The following STXBP5L variants were observed in gnomAD, a reference collection of about 807,000 sequenced individuals.
STXBP5L encodes the protein syntaxin-binding protein 5-like.
In STXBP5L, 65 loss-of-function variants were observed where a neutral mutation model predicts 144.5. The ratio of observed to expected loss-of-function variants is 0.45; its 90% CI spans 0.37 to 0.55. The LOEUF is 0.55. Among genes scored for constraint, STXBP5L ranks in the 20% least tolerant of loss-of-function variants. STXBP5L has a pLI of 0.00. For missense variants in STXBP5L, 1,298 were observed against 1,405.5 expected, an observed-to-expected ratio of 0.92 and a Z score of 1.22; for synonymous variants, 505 against 469.6, an observed-to-expected ratio of 1.08 and a Z score of -0.97.
chr3:121,245,506 A>G (rs1406394537), intron 14 of STXBP5L, among the ~76,000 whole-genome samples: 1 of 152,142 alleles, frequency 6.6e-6, no homozygotes, highest in Non-Finnish European at 1.5e-5. Flanking sequence ...ATCAAAAGAC[A>G]TAGAATGGCT....
At chr3:120,946,146 G>T (rs569618687) in intron 2 of STXBP5L, among the ~76,000 whole-genome samples, 1 of 151,880 alleles carries the variant, frequency 6.6e-6, no homozygotes, top group South Asian at 2.1e-4. Context: ...AATGGTTGGG[G>T]TATGTATTAG....
intron 3 of STXBP5L, among the ~76,000 whole-genome samples, chr3:120,958,469 A>G (rs1287651032): frequency 6.6e-6 from 1 of 152,068 alleles, no homozygotes; most frequent in Non-Finnish European, 1.5e-5. Context: ...ATAGAATTTT[A>G]GACCAGTATC....
intron 5 of STXBP5L, among the ~76,000 whole-genome samples, chr3:121,102,780 G>A (rs2043497093): frequency 6.6e-6 from 1 of 152,086 alleles, no homozygotes; most frequent in South Asian, 2.1e-4. Context: ...CAGAATGGTA[G>A]AACATGTTTA....
At chr3:121,365,979 C>T (rs1421202030) in intron 20 of STXBP5L, among the ~76,000 whole-genome samples, 1 of 151,734 alleles carries the variant, frequency 6.6e-6, no homozygotes, top group Admixed American at 6.6e-5. Flanking sequence ...TTTCATTTAT[C>T]TCTAATTATT....
At chr3:121,043,282 T>A (rs1048781868) in intron 4 of STXBP5L, among the ~76,000 whole-genome samples, 1 of 152,180 alleles carries the variant, frequency 6.6e-6, no homozygotes, top group Non-Finnish European at 1.5e-5. Context: ...GTAGGTTCAC[T>A]TTGTTTTTAT....
At chr3:121,326,125 G>T (rs2044137978) in intron 20 of STXBP5L, among the ~76,000 whole-genome samples, 2 of 151,896 alleles carry the variant, frequency 1.3e-5, no homozygotes, top group Admixed American at 1.3e-4. Flanking sequence ...TAATAGTCAT[G>T]GACTCATTAA....
At chr3:121,314,602 AGAGGG>A (rs1222849688) in intron 19 of STXBP5L, among the ~76,000 whole-genome samples, 3 of 140,208 alleles carry the variant, frequency 2.1e-5, no homozygotes, top group African/African-American at 8.1e-5. Flanking sequence ...AGGGAGAGGG[AGAGGG>A]AGAGGGAGAG....
chr3:120,953,951 G>A (rs589487), intron 2 of STXBP5L, among the ~76,000 whole-genome samples: 1 of 152,054 alleles, frequency 6.6e-6, no homozygotes, highest in Non-Finnish European at 1.5e-5. Flanking sequence ...TTTTATACAT[G>A]CCATTTATTA....
intron 20 of STXBP5L, among the ~76,000 whole-genome samples, chr3:121,364,523 C>G (rs2108645820): frequency 6.6e-6 from 1 of 150,558 alleles, no homozygotes; most frequent in East Asian, 1.9e-4. Context: ...TGCATTGAAT[C>G]CATAGATCAC....
intron 3 of STXBP5L, among the ~76,000 whole-genome samples, chr3:120,979,758 T>A (rs1941549828): frequency 6.6e-6 from 1 of 152,196 alleles, no homozygotes; most frequent in African/African-American, 2.4e-5. Flanking sequence ...TGATCTTTGT[T>A]GTTTCTTTTG....
At chr3:121,173,940 AC>A (rs1419430291) in intron 9 of STXBP5L, among the ~76,000 whole-genome samples, 1 of 152,034 alleles carries the variant, frequency 6.6e-6, no homozygotes, top group Non-Finnish European at 1.5e-5. Context: ...TTGATATTGC[AC>A]TAAACATGAT....
chr3:121,375,342 G>A (rs2046151374), intron 20 of STXBP5L, among the ~76,000 whole-genome samples: 1 of 152,132 alleles, frequency 6.6e-6, no homozygotes, highest in Non-Finnish European at 1.5e-5. Context: ...ATCTCAGTGT[G>A]CATTACATGT....
chr3:121,348,416 CT>C (rs1336870265), intron 20 of STXBP5L, among the ~76,000 whole-genome samples: 3 of 151,696 alleles, frequency 2.0e-5, no homozygotes, highest in Non-Finnish European at 4.4e-5. Flanking sequence ...GTCTAAAATT[CT>C]CTTTTTTTGT....
intron 9 of STXBP5L, among the ~76,000 whole-genome samples, chr3:121,186,209 G>T (rs2047375771): frequency 6.6e-6 from 1 of 152,132 alleles, no homozygotes; most frequent in Admixed American, 6.6e-5. Context: ...TGAGACAATG[G>T]GGTTTTCTAG....
intron 2 of STXBP5L, among the ~76,000 whole-genome samples, chr3:120,917,082 A>G (rs990863499): frequency 6.6e-6 from 1 of 152,236 alleles, no homozygotes; most frequent in East Asian, 1.9e-4. Flanking sequence ...AAAATTCAAG[A>G]GTAGAGGCAG....
At chr3:121,071,789 T>G (rs2041822730) in intron 5 of STXBP5L, among the ~76,000 whole-genome samples, 1 of 152,208 alleles carries the variant, frequency 6.6e-6, no homozygotes, top group Admixed American at 6.5e-5. Context: ...ATTTGCCTTC[T>G]TAAGGTTAAT....
intron 20 of STXBP5L, among the ~76,000 whole-genome samples, chr3:121,335,563 A>G (rs1422155725): frequency 6.6e-6 from 1 of 152,210 alleles, no homozygotes; most frequent in Non-Finnish European, 1.5e-5. Context: ...CTACAGGGCT[A>G]CAGTAACCAA....
intron 9 of STXBP5L, among the ~76,000 whole-genome samples, chr3:121,166,825 T>A (rs2046517165): frequency 6.6e-6 from 1 of 152,194 alleles, no homozygotes; most frequent in African/African-American, 2.4e-5. Context: ...ACAAAATATC[T>A]GCAACTTATT....
At chr3:120,917,587 G>T (rs1336033455) in intron 2 of STXBP5L, among the ~76,000 whole-genome samples, 11 of 152,052 alleles carry the variant, frequency 7.2e-5, no homozygotes, top group Admixed American at 5.9e-4. Context: ...CCTAGCTACT[G>T]AGGAGGATGA....
Sources: gnomAD v4.1 joint callset for allele counts (sites outside exome capture counted in the v4.1 genomes callset) on GRCh38, gnomAD v4.1.1 for gene constraint, MANE v1.5 for transcripts, NCBI Gene and HGNC (gene_info 2026-07-23, HGNC 2026-07-21) for gene names.